ZG16B: variants seen among roughly 807,000 people sequenced by gnomAD.
ZG16B encodes the protein pancreatic adenocarcinoma up-regulated factor.
Under a neutral mutation model 7.0 loss-of-function variants are expected in ZG16B, and 8 were observed. The observed-to-expected ratio is 1.15, with a 90% CI of 0.68 to 2.08. The LOEUF (loss-of-function observed/expected upper bound fraction) is 2.08. Among genes scored for constraint, ZG16B ranks in the 30% most tolerant of loss-of-function variants. The pLI is 0.00. For synonymous variants in ZG16B, 92 were observed against 86.1 expected, an observed-to-expected ratio of 1.07 and a Z score of -0.38; for missense variants, 232 against 211.0, an observed-to-expected ratio of 1.10 and a Z score of -0.62.
Position 2,832,240 on chromosome 16 carries a change from G to A in ZG16B, c.*81G>A. On this transcript the variant is annotated 3_prime_UTR_variant, in exon 4 of 4. Coordinates refer to ENST00000382280, the MANE Select transcript of ZG16B (RefSeq NM_145252.3). ...ACTGGAGTAACTGAGTCGGGACGCT[G>A]AATCTGAATCCACCAATAAATAAAG... 6.6e-7 allele frequency: 1 copy of A among 1,524,190 alleles called. No homozygotes were observed. The highest frequency in any genetic ancestry group is 8.8e-7 in the Non-Finnish European group (1 of 1,135,468). The allele number at this position is 1,524,190 out of a possible 1,614,324, so 94.4% of individuals were successfully genotyped here.
At position 2,830,699 on chromosome 16, in the gene ZG16B, T is replaced by C. The variant is rs1372685419; in HGVS notation, c.58T>C (p.Tyr20His). The C allele has an allele frequency of 6.2e-7, 1 of 1,614,220 alleles. No homozygotes were observed. Among genetic ancestry groups the C allele is most frequent in the Non-Finnish European group, 8.5e-7 (1 of 1,180,022 alleles). Residue 20 changes from tyrosine to histidine, a missense_variant, in exon 3 of 4, where the codon TAT becomes CAT. Tyr to His is a moderately conservative substitution (Grantham distance 83). Coordinates refer to ENST00000382280, the MANE Select transcript of ZG16B (RefSeq NM_145252.3). ...TGGGTCTCTCTTTTCTTCAGAGATG[T>C]ATGGCCCTGGAGGAGGCAAGTATTT... is the stretch of plus-strand genomic sequence containing the variant. ...LGGPTWAGKM[Y>H]GPGGGKYFST...
At chr16:2,830,640 C>A in intron 2 of ZG16B, 54 bp from the exon 3 acceptor site, 1 of 1,598,992 alleles carries the variant, frequency 6.3e-7, no homozygotes, top group East Asian at 2.2e-5. Flanking sequence ...GCAGAGGTCA[C>A]CCCCATATCA....
In ZG16B at chr16:2,831,834, T is replaced by G. The variant is rs772918855; in HGVS notation, c.194T>G (p.Leu65Arg). ...VKLGDSWDVK[L>R]GALGGNTQEV... The stretch of plus-strand genomic sequence containing the variant: ...CTTGGAGACTCCTGGGACGTGAAAC[T>G]GGGAGCCTTAGGTGGGAATACCCAG... Residue 65 changes from leucine (L) to arginine (R), a missense_variant, in exon 4 of 4, where the codon CTG becomes CGG. By Grantham distance (102) the Leu-to-Arg change is moderately radical. Transcript: ENST00000382280. 6.2e-7 allele frequency: 1 copy of G among 1,613,940 alleles called. No homozygotes were observed. Among genetic ancestry groups the G allele is most frequent in the East Asian group, 2.2e-5 (1 of 44,886 alleles).
rs1347039503 is a variant in ZG16B, at chr16:2,832,001, C to T, written c.361C>T (p.Pro121Ser). The T allele has an allele frequency of 6.2e-7, 1 of 1,614,024 alleles. No individual in the cohort carries two copies. Among genetic ancestry groups the T allele is most frequent in the Admixed American group, 1.7e-5 (1 of 59,998 alleles). The change falls in exon 4 of 4, where the codon CCC (proline) becomes TCC (serine). Residue 121 changes from proline to serine, a missense_variant. Transcript: ENST00000382280. ...KLDGQISSAY[P>S]SQEGQVLVGI... is the part of the protein sequence containing the mutation. ...TGATGGCCAGATCTCCTCTGCCTAC[C>T]CCAGCCAAGAGGGGCAGGTGCTGGT...
chr16:2,830,554 A>G, intron 2 of ZG16B, 61 bp downstream of exon 2: 1 of 1,581,800 alleles, frequency 6.3e-7, no homozygotes, highest in Non-Finnish European at 8.6e-7. Context: ...CCAGGGACTC[A>G]CCCGGCCCTT....
intron 3 of ZG16B, 133 bp from the exon 4 acceptor site, chr16:2,831,663 G>A: frequency 7.5e-7 from 1 of 1,339,026 alleles, no homozygotes; most frequent in East Asian, 2.3e-5. Context: ...TGACCAGTGA[G>A]TCTGTGTCAG....
chr16:2,831,055 G>T, intron 3 of ZG16B: 1 of 447,086 alleles, frequency 2.2e-6, no homozygotes, highest in South Asian at 2.5e-5. Context: ...GAAAGTCAGG[G>T]GAAAGTCTGT....
intron 1 of ZG16B, 25 bp downstream of exon 1, chr16:2,830,353 G>A (rs1298222916): frequency 1.2e-6 from 2 of 1,610,884 alleles, no homozygotes; most frequent in Non-Finnish European, 1.7e-6. Context: ...TCCATGGGTG[G>A]GGCCCGGCAA....
rs377483530 is a variant in ZG16B, at chr16:2,831,954, G to A, written c.314G>A (p.Arg105His). ...RGMVMYTSKD[R>H]YFYFGKLDGQ... ...ATGGTCATGTACACCAGCAAGGACC[G>A]CTATTTCTATTTTGGGAAGCTTGAT... The change falls in exon 4 of 4, where the codon CGC becomes CAC. Residue 105 changes from arginine (R) to histidine (H), a missense_variant. By Grantham distance (29) the Arg-to-His change is conservative (BLOSUM62 0). Coordinates refer to ENST00000382280, the MANE Select transcript of ZG16B (RefSeq NM_145252.3). 46 of 1,614,016 alleles carry A rather than the reference G, an allele frequency of 2.9e-5. No homozygotes were observed. Among genetic ancestry groups the A allele is most frequent in the South Asian group, 5.5e-5 (5 of 91,076 alleles).
In ZG16B at chr16:2,832,141, C is replaced by T; in HGVS notation, c.501C>T (p.Asn167=). 1 of 1,612,874 alleles carries T rather than the reference C, an allele frequency of 6.2e-7. No homozygotes were observed. Among genetic ancestry groups the T allele is most frequent in the African/African-American group, 1.3e-5 (1 of 75,002 alleles). The change falls in exon 4 of 4, where the codon AAC becomes AAT. Residue 167 remains asparagine (N), a synonymous_variant. Coordinates refer to ENST00000382280, the MANE Select transcript of ZG16B (RefSeq NM_145252.3). ...EPPVNLTYSA[N]SPVGR ...CAGTTAATCTCACATACTCAGCAAA[C>T]TCACCCGTGGGTCGCTAGGGTGGGG... is the stretch of plus-strand genomic sequence containing the variant.
At chr16:2,831,518 G>A (rs1273380643) in intron 3 of ZG16B, among the ~76,000 whole-genome samples, 2 of 152,240 alleles carry the variant, frequency 1.3e-5, no homozygotes, top group Non-Finnish European at 2.9e-5. Flanking sequence ...GGCGCTGCAC[G>A]CAGCTCTCCT....
chr16:2,832,130 T>C lies in ZG16B; in HGVS notation c.490T>C (p.Tyr164His), dbSNP rs565502627. 3 of 1,613,688 alleles carry C rather than the reference T, an allele frequency of 1.9e-6. No homozygotes were observed. Among genetic ancestry groups the C allele is most frequent in the Admixed American group, 3.3e-5 (2 of 60,018 alleles). Residue 164 changes from tyrosine to histidine, a missense_variant, in exon 4 of 4, where the codon TAC becomes CAC. Transcript: ENST00000382280. ...PTTEPPVNLT[Y>H]SANSPVGR is the part of the protein sequence containing the mutation. Reference sequence around the variant, plus strand: ...CACTGAGCCACCAGTTAATCTCACATACTCAGCAAACTCACCCGTGGGTCG... The same window carrying C: ...CACTGAGCCACCAGTTAATCTCACACACTCAGCAAACTCACCCGTGGGTCG...
At chr16:2,830,553 C>T (rs372433839) in intron 2 of ZG16B, 60 bp downstream of exon 2, 639 of 1,581,660 alleles carry the variant, frequency 4.0e-4, no homozygotes, top group Non-Finnish European at 4.2e-4. Context: ...GCCAGGGACT[C>T]ACCCGGCCCT....
chr16:2,831,714 G>C lies in ZG16B; in HGVS notation c.156-82G>C, dbSNP rs2069257399. ...TGGTGCTGGACTCTCTGCATCCCGGGAAGGAGGATGGGGGCGCTGAGGACC... is the reference window on the plus strand; with the variant it reads ...TGGTGCTGGACTCTCTGCATCCCGGCAAGGAGGATGGGGGCGCTGAGGACC... On this transcript the variant is annotated intron_variant, in intron 3 of 3. Transcript: ENST00000382280. 2.0e-6 allele frequency: 3 copies of C among 1,531,104 alleles called. 1 individual carries two copies. The East Asian group carries it at 6.8e-5, about 35-fold the overall frequency. 94.8% of individuals were successfully genotyped at this position (1,531,104 alleles called of 1,614,324 possible).
In ZG16B at chr16:2,830,472, G is replaced by T; in HGVS notation, c.31G>T (p.Gly11Trp). MLLLLTLALL[G>W]GPTWAGKMYG... ...GCTGCTGCTCACGCTTGCCCTCCTG[G>T]GGGGCCCCACCTGGGCAGGGAGTAA... The change falls in exon 2 of 4, where the codon GGG becomes TGG. Residue 11 changes from glycine (G) to tryptophan (W), a missense_variant. Transcript: ENST00000382280. 1.3e-6 allele frequency: 2 copies of T among 1,599,672 alleles called. No individual in the cohort carries two copies. The highest frequency in any genetic ancestry group is 1.7e-6 in the Non-Finnish European group (2 of 1,173,406).
In ZG16B at chr16:2,830,695, G is replaced by C; in HGVS notation, c.54G>C (p.Lys18Asn). ...ALLGGPTWAG[K>N]MYGPGGGKYF... ...CCTTTGGGTCTCTCTTTTCTTCAGA[G>C]ATGTATGGCCCTGGAGGAGGCAAGT... Residue 18 changes from lysine (K) to asparagine (N), a missense_variant and splice_region_variant, in exon 3 of 4, where the codon AAG (lysine) becomes AAC (asparagine). Lys to Asn is a moderately conservative substitution (Grantham distance 94, BLOSUM62 0). Transcript: ENST00000382280. The C allele has an allele frequency of 6.2e-7, 1 of 1,614,208 alleles. No individual in the cohort carries two copies. Among genetic ancestry groups the C allele is most frequent in the Non-Finnish European group, 8.5e-7 (1 of 1,180,038 alleles).
rs370484892 is a variant in ZG16B at position 2,832,034 on chromosome 16, T to A, written c.394T>A (p.Tyr132Asn). The change falls in exon 4 of 4, where the codon TAT becomes AAT. Residue 132 changes from tyrosine to asparagine, a missense_variant. Coordinates refer to ENST00000382280, the MANE Select transcript of ZG16B (RefSeq NM_145252.3). The part of the protein sequence containing the change: ...SQEGQVLVGI[Y>N]GQYQLLGIKS... ...AGAGGGGCAGGTGCTGGTGGGCATC[T>A]ATGGCCAGTATCAACTCCTTGGCAT... 132 of 1,614,066 alleles carry A rather than the reference T, an allele frequency of 8.2e-5. No individual in the cohort carries two copies. The highest frequency in any genetic ancestry group is 1.1e-4 in the Non-Finnish European group (127 of 1,180,040).
Position 2,830,311 on chromosome 16 carries a change from C to T in ZG16B, c.-45C>T, listed in dbSNP as rs200293306. On this transcript the variant is annotated 5_prime_UTR_variant, in exon 1 of 4. In the 5' UTR this introduces an upstream ATG that the reference lacks. Coordinates refer to ENST00000382280, the MANE Select transcript of ZG16B (RefSeq NM_145252.3). ...GTGGAGGGTGCCCGGCACAACCAGACGCCCAGTCACAGGCGAGGTAAGGTG... is the reference window on the plus strand; with the variant it reads ...GTGGAGGGTGCCCGGCACAACCAGATGCCCAGTCACAGGCGAGGTAAGGTG... 9 of 1,613,212 alleles carry T rather than the reference C, an allele frequency of 5.6e-6. No individual in the cohort carries two copies. In the East Asian group the frequency reaches 6.7e-5, roughly 12 times the overall value.
rs748398742 is a variant in ZG16B at position 2,830,766 on chromosome 16, G to T, written c.125G>T (p.Arg42Leu). The T allele has an allele frequency of 1.2e-6, 2 of 1,614,026 alleles. No homozygotes were observed. Among genetic ancestry groups the T allele is most frequent in the South Asian group, 2.2e-5 (2 of 91,080 alleles). ...EDYDHEITGL[R>L]VSVGLLLVKS... is the part of the protein sequence containing the mutation. ...TACGACCATGAAATCACAGGGCTGC[G>T]GGTGTCTGTAGGTCTTCTCCTGGTG... Residue 42 changes from arginine to leucine, a missense_variant, in exon 3 of 4, where the codon CGG (arginine) becomes CTG (leucine). Coordinates refer to ENST00000382280, the MANE Select transcript of ZG16B (RefSeq NM_145252.3).
Sources: gnomAD v4.1 joint callset for allele counts (sites outside exome capture counted in the v4.1 genomes callset) on GRCh38, gnomAD v4.1.1 for gene constraint, MANE v1.5 for transcripts, NCBI Gene and HGNC (gene_info 2026-07-23, HGNC 2026-07-21) for gene names.